HADH: variants seen among roughly 807,000 people sequenced by gnomAD.
The protein encoded by HADH is hydroxyacyl-CoA dehydrogenase, also known as hydroxyacyl-coenzyme A dehydrogenase, mitochondrial.
In HADH, 24 loss-of-function variants were observed where a neutral mutation model predicts 32.2. The ratio of observed to expected loss-of-function variants is 0.75; its 90% CI spans 0.54 to 1.05. HADH has a LOEUF of 1.05. Ranked by LOEUF, HADH falls within the 50% of genes least tolerant of loss-of-function variation. The probability of loss-of-function intolerance (pLI) is 0.00; values close to 1 mark genes in which losing one functional copy is unlikely to be tolerated. For synonymous variants in HADH, 139 were observed against 152.5 expected, an observed-to-expected ratio of 0.91 and a Z score of 0.65; for missense variants, 350 against 397.1, an observed-to-expected ratio of 0.88 and a Z score of 1.01.
At chr4:108,006,660 C>A (rs997041296) in intron 1 of HADH, among the ~76,000 whole-genome samples, 4 of 152,100 alleles carry the variant, frequency 2.6e-5, no homozygotes, top group African/African-American at 9.7e-5. Context: ...TCTAACAAGT[C>A]CCCAGGTGAT....
chr4:108,024,805 C>T (rs1345734324), intron 5 of HADH: 1 of 152,234 alleles, frequency 6.6e-6, no homozygotes, highest in Non-Finnish European at 1.5e-5. Context: ...TGATTATCTT[C>T]AGCAGCATAA....
intron 1 of HADH, among the ~76,000 whole-genome samples, chr4:107,997,145 C>T (rs1416186263): frequency 2.6e-5 from 4 of 152,204 alleles, no homozygotes; most frequent in African/African-American, 4.8e-5. Flanking sequence ...GCTGTTAAGG[C>T]GCTGCAGCCT....
chr4:108,017,510 A>C (rs1735733076), intron 3 of HADH, among the ~76,000 whole-genome samples: 1 of 152,154 alleles, frequency 6.6e-6, no homozygotes, highest in Non-Finnish European at 1.5e-5. Flanking sequence ...AATGAAAAAA[A>C]CAAAAGATGG....
chr4:108,009,966 T>C, intron 2 of HADH, 79 bp downstream of exon 2: 4 of 914,788 alleles, frequency 4.4e-6, no homozygotes, highest in Non-Finnish European at 3.3e-6. Flanking sequence ...GATTTCTGGC[T>C]TTCTTTCTTT....
rs1209591664 is a variant in HADH, at chr4:108,035,167, C to T, written c.*810C>T. 1 of 152,200 alleles carries T rather than the reference C, an allele frequency of 6.6e-6. No individual in the cohort carries two copies. The highest frequency in any genetic ancestry group is 1.5e-5 in the Non-Finnish European group (1 of 68,080). The allele number at this position is 152,200 out of a possible 1,614,324, so 9.4% of individuals were successfully genotyped here. A position where few individuals can be genotyped will look rare whatever the true frequency, so the allele number is the denominator to read the frequency against. Reference sequence around the variant, plus strand: ...TAAAAGTAAAAGTTGGTAATTTAGGCAGAAGCTATTTCTCCTCTTCTTTGA... The same window carrying T: ...TAAAAGTAAAAGTTGGTAATTTAGGTAGAAGCTATTTCTCCTCTTCTTTGA... On this transcript the variant is annotated 3_prime_UTR_variant, in exon 8 of 8. Transcript: ENST00000309522.
chr4:108,008,132 G>A (rs1161264346), intron 1 of HADH, among the ~76,000 whole-genome samples: 1 of 152,214 alleles, frequency 6.6e-6, no homozygotes, highest in Non-Finnish European at 1.5e-5. Flanking sequence ...GGAAAACCTT[G>A]GTTTGGATTG....
intron 2 of HADH, among the ~76,000 whole-genome samples, chr4:108,011,274 G>A (rs1240727120): frequency 2.0e-5 from 3 of 152,158 alleles, no homozygotes; most frequent in Middle Eastern, 3.4e-3. Flanking sequence ...CATTGCTAAT[G>A]AAGACATGCC....
intron 1 of HADH, among the ~76,000 whole-genome samples, chr4:108,003,235 C>T (rs1007753025): frequency 6.0e-5 from 9 of 150,792 alleles, no homozygotes; most frequent in Non-Finnish European, 1.3e-4. Context: ...GCTTTGGTGT[C>T]TGGTGCAGAC....
At chr4:107,992,419 C>A (rs1241191502) in intron 1 of HADH, among the ~76,000 whole-genome samples, 3 of 152,216 alleles carry the variant, frequency 2.0e-5, no homozygotes, top group Non-Finnish European at 4.4e-5. Flanking sequence ...TGCTTTTGCA[C>A]CCTACCCTGT....
chr4:108,029,186 C>T, intron 6 of HADH: 1 of 310,214 alleles, frequency 3.2e-6, no homozygotes. Context: ...CCACCTGCTC[C>T]CTCCTCTCAG....
intron 1 of HADH, among the ~76,000 whole-genome samples, chr4:108,002,625 C>T (rs903011123): frequency 8.5e-5 from 13 of 152,118 alleles, no homozygotes; most frequent in Admixed American, 3.9e-4. Context: ...AATTGTCTTC[C>T]GTGAAATTGT....
chr4:108,028,168 A>G (rs1490263885), intron 6 of HADH: 1 of 270,078 alleles, frequency 3.7e-6, no homozygotes, highest in African/African-American at 2.2e-5. Flanking sequence ...ACAGGTGATT[A>G]GAAATATGTG....
chr4:108,017,474 T>C (rs2126230919), intron 3 of HADH, among the ~76,000 whole-genome samples: 1 of 152,306 alleles, frequency 6.6e-6, no homozygotes, highest in East Asian at 1.9e-4. Context: ...AAGAGAAAAG[T>C]AGTTTTTTTG....
intron 6 of HADH, chr4:108,032,517 G>A: frequency 1.7e-6 from 1 of 571,742 alleles, no homozygotes; most frequent in African/African-American, 1.8e-5. Flanking sequence ...TTTTAAGAAA[G>A]TTTATTTATA....
chr4:108,020,202 G>A (rs943842119), intron 4 of HADH, among the ~76,000 whole-genome samples: 4 of 152,194 alleles, frequency 2.6e-5, no homozygotes, highest in Non-Finnish European at 5.9e-5. Flanking sequence ...GGGTGCGGCG[G>A]CTCATGCCTG....
chr4:108,027,216 G>A (rs1736096879), intron 5 of HADH: 1 of 213,832 alleles, frequency 4.7e-6, no homozygotes, highest in South Asian at 7.6e-5. Flanking sequence ...TCTTGAAAGG[G>A]AATTGGGAGG....
intron 1 of HADH, among the ~76,000 whole-genome samples, chr4:108,002,497 T>C (rs1735148482): frequency 6.6e-6 from 1 of 152,210 alleles, no homozygotes; most frequent in South Asian, 2.1e-4. Context: ...TGTGGTGAGA[T>C]GTATAATTAT....
chr4:108,033,256 T>G lies in HADH; in HGVS notation c.790T>G (p.Tyr264Asp), dbSNP rs1244508396. ...CATGGGCCCATTTGAGCTTCTAGAT[T>G]ATGTCGGACTGGATACTACGAAGTT... ...YPMGPFELLD[Y>D]VGLDTTKFIV... The change falls in exon 7 of 8, where the codon TAT becomes GAT. Residue 264 changes from tyrosine to aspartate, a missense_variant. Coordinates refer to ENST00000309522, the MANE Select transcript of HADH (RefSeq NM_005327.7). 1 of 1,598,080 alleles carries G rather than the reference T, an allele frequency of 6.3e-7. No homozygotes were observed. Among genetic ancestry groups the G allele is most frequent in the Non-Finnish European group, 8.6e-7 (1 of 1,165,466 alleles).
intron 1 of HADH, chr4:108,004,703 T>C: frequency 6.5e-7 from 1 of 1,529,482 alleles, no homozygotes; most frequent in Non-Finnish European, 8.7e-7. Context: ...GATAATTCTT[T>C]CAAGAAAGGA....
Sources: allele counts gnomAD v4.1 joint callset (sites outside exome capture counted in the v4.1 genomes callset), GRCh38; gene constraint gnomAD v4.1.1; transcripts MANE v1.5; gene names NCBI Gene and HGNC (gene_info 2026-07-23, HGNC 2026-07-21).